NKAIN3: variants seen among roughly 807,000 people sequenced by gnomAD.
NKAIN3 encodes sodium/potassium-transporting ATPase subunit beta-1-interacting protein 3.
NKAIN3 carries 25 observed loss-of-function variants against 30.2 expected under a neutral mutation model. The ratio of observed to expected loss-of-function variants is 0.83; its 90% CI spans 0.60 to 1.16. The LOEUF (loss-of-function observed/expected upper bound fraction) is 1.16. NKAIN3 is among the 50% of genes most tolerant of loss of function. NKAIN3 has a pLI of 0.00. For missense variants in NKAIN3, 225 were observed against 254.1 expected, an observed-to-expected ratio of 0.89 and a Z score of 0.78; for synonymous variants, 91 against 89.6, an observed-to-expected ratio of 1.02 and a Z score of -0.09.
At chr8:62,530,668 T>C (rs1808460443) in intron 1 of NKAIN3, among the ~76,000 whole-genome samples, 2 of 152,088 alleles carry the variant, frequency 1.3e-5, no homozygotes, top group South Asian at 2.1e-4. Context: ...GACGGAGTTT[T>C]GATCTTGTTG....
intron 1 of NKAIN3, among the ~76,000 whole-genome samples, chr8:62,503,190 C>A (rs1019396712): frequency 1.9e-4 from 29 of 152,256 alleles, no homozygotes; most frequent in African/African-American, 6.5e-4. Flanking sequence ...AGAAAGACCA[C>A]AAAGAGAGGA....
At chr8:62,324,242 C>T (rs1007563099) in intron 1 of NKAIN3, among the ~76,000 whole-genome samples, 14 of 151,986 alleles carry the variant, frequency 9.2e-5, no homozygotes, top group African/African-American at 3.4e-4. Flanking sequence ...GAACTCTGTA[C>T]TTTCTGGTCA....
intron 4 of NKAIN3, among the ~76,000 whole-genome samples, chr8:62,878,256 C>A (rs1157093560): frequency 6.6e-6 from 1 of 152,066 alleles, no homozygotes; most frequent in Non-Finnish European, 1.5e-5. Flanking sequence ...TCTGAAGAAT[C>A]TGACCTTTTA....
chr8:62,885,907 T>C (rs554650967), intron 4 of NKAIN3, among the ~76,000 whole-genome samples: 1 of 152,328 alleles, frequency 6.6e-6, no homozygotes, highest in South Asian at 2.1e-4. Flanking sequence ...AGACAACATG[T>C]AGTTGGGTCT....
chr8:62,802,774 T>A (rs1354504110), intron 4 of NKAIN3, among the ~76,000 whole-genome samples: 1 of 152,144 alleles, frequency 6.6e-6, no homozygotes, highest in African/African-American at 2.4e-5. Context: ...ATATTAACTT[T>A]AAATGTAAAT....
rs369071253 is a variant in NKAIN3, at chr8:62,927,058, T to C, written c.532+8545T>C. On this transcript the variant is annotated intron_variant, in intron 5 of 6. Coordinates refer to ENST00000623646, the MANE Select transcript of NKAIN3 (RefSeq NM_001304533.3). ...AAATCACCCTTGACTCCAACTGGCA[T>C]GAATTTAACTTTCCTGTCTGTCATA... is the stretch of plus-strand genomic sequence containing the variant. Among the ~76,000 whole-genome samples the C allele has an allele frequency of 3.3e-5, 5 of 152,286 alleles. 1 individual carries two copies.
In NKAIN3 at chr8:62,950,254, T is replaced by C. The variant is rs548702329; in HGVS notation, c.533-3648T>C. 3.1e-4 allele frequency among the ~76,000 whole-genome samples: 47 copies of C among 152,338 alleles called. 1 individual carries two copies. Among genetic ancestry groups the C allele is most frequent in the South Asian group, 1.7e-3 (8 of 4,822 alleles). On this transcript the variant is annotated intron_variant, in intron 5 of 6. Transcript: ENST00000623646. ...TTTAAGAATCTGTAAACTCGCCCTCTGTGTACACTTTAATTTGCCCCTTTA... is the reference window on the plus strand; with the variant it reads ...TTTAAGAATCTGTAAACTCGCCCTCCGTGTACACTTTAATTTGCCCCTTTA...
At chr8:62,989,928 C>G (rs573831522) in intron 5 of NKAIN3, among the ~76,000 whole-genome samples, 82 of 152,200 alleles carry the variant, frequency 5.4e-4, no homozygotes, top group African/African-American at 1.9e-3. Context: ...CTTGTTCATT[C>G]CCATCAAACC....
At chr8:62,404,505 A>G (rs1014789460) in intron 1 of NKAIN3, among the ~76,000 whole-genome samples, 2 of 152,068 alleles carry the variant, frequency 1.3e-5, no homozygotes, top group African/African-American at 2.4e-5. Context: ...GTAAGTTTTC[A>G]TAAGATCTGG....
chr8:62,582,051 TCTTTCCTCCCTC>T (rs1357253137), intron 2 of NKAIN3, among the ~76,000 whole-genome samples: 12 of 132,432 alleles, frequency 9.1e-5, no homozygotes, highest in African/African-American at 3.4e-4. Flanking sequence ...CTCACTCCCT[TCTTTCCTCCCTC>T]CTTTCCTCCC....
At chr8:62,652,773 C>T (rs931309715) in intron 3 of NKAIN3, among the ~76,000 whole-genome samples, 9 of 152,130 alleles carry the variant, frequency 5.9e-5, no homozygotes, top group African/African-American at 2.2e-4. Context: ...CTCCAAATAG[C>T]TCTTTGAGGT....
In NKAIN3 at chr8:62,278,845, G is replaced by A. The variant is rs561773328; in HGVS notation, c.54+29718G>A. Among the ~76,000 whole-genome samples, 13 of 152,324 alleles carry A rather than the reference G, an allele frequency of 8.5e-5. No homozygotes were observed. In the South Asian group the frequency reaches 2.7e-3, roughly 32 times the overall value. On this transcript the variant is annotated intron_variant, in intron 1 of 6. Transcript: ENST00000623646. ...ATAGTGCTGCAATAAACACACGTAT[G>A]CATGTGTCTTTATAGCAGCATGATT...
intron 4 of NKAIN3, among the ~76,000 whole-genome samples, chr8:62,765,871 T>C (rs1348576232): frequency 2.6e-5 from 4 of 152,140 alleles, no homozygotes; most frequent in Non-Finnish European, 2.9e-5. Flanking sequence ...TCTATAAGAT[T>C]AGTATTCATA....
chr8:62,371,285 C>T (rs1277493187), intron 1 of NKAIN3, among the ~76,000 whole-genome samples: 1 of 151,714 alleles, frequency 6.6e-6, no homozygotes, highest in Non-Finnish European at 1.5e-5. Context: ...TTAATTCTTT[C>T]AAGAACCATC....
At chr8:62,439,438 G>A (rs911786448) in intron 1 of NKAIN3, among the ~76,000 whole-genome samples, 3 of 152,180 alleles carry the variant, frequency 2.0e-5, no homozygotes, top group African/African-American at 7.2e-5. Flanking sequence ...AATTTAGCAG[G>A]TGTTTGAGCC....
At chr8:62,308,403 C>G (rs538477956) in intron 1 of NKAIN3, among the ~76,000 whole-genome samples, 1 of 150,146 alleles carries the variant, frequency 6.7e-6, no homozygotes, top group Non-Finnish European at 1.5e-5. Flanking sequence ...CTAGTGAGAA[C>G]CTTAATTCAA....
chr8:62,685,428 T>C (rs1272375597), intron 3 of NKAIN3, among the ~76,000 whole-genome samples: 1 of 152,222 alleles, frequency 6.6e-6, no homozygotes, highest in African/African-American at 2.4e-5. Context: ...CTGAGGAAAG[T>C]GATTCTAATA....
intron 3 of NKAIN3, among the ~76,000 whole-genome samples, chr8:62,734,947 G>C (rs537309442): frequency 6.6e-6 from 1 of 152,182 alleles, no homozygotes; most frequent in Non-Finnish European, 1.5e-5. Context: ...CTTCTGGCTT[G>C]TGCGGTTTCT....
At chr8:62,453,824 C>T (rs1805724514) in intron 1 of NKAIN3, among the ~76,000 whole-genome samples, 1 of 151,934 alleles carries the variant, frequency 6.6e-6, no homozygotes, top group South Asian at 2.1e-4. Flanking sequence ...AATATTGAAC[C>T]AGGAAGAGAT....
Sources: allele counts gnomAD v4.1 joint callset (sites outside exome capture counted in the v4.1 genomes callset), GRCh38; gene constraint gnomAD v4.1.1; transcripts MANE v1.5; gene names NCBI Gene and HGNC (gene_info 2026-07-23, HGNC 2026-07-21).